The following LRRTM4 variants were observed in gnomAD, a reference collection of about 807,000 sequenced individuals.
LRRTM4 encodes the protein leucine-rich repeat transmembrane neuronal protein 4.
A neutral mutation model predicts 47.6 loss-of-function variants in LRRTM4; 25 were observed. That is an observed-to-expected ratio of 0.53 (90% CI 0.38 to 0.73). The LOEUF is 0.73. Among genes scored for constraint, LRRTM4 ranks in the 30% least tolerant of loss-of-function variants. The pLI, the probability that LRRTM4 is intolerant of heterozygous loss-of-function variation, is 0.00. For synonymous variants in LRRTM4, 311 were observed against 269.5 expected, an observed-to-expected ratio of 1.15 and a Z score of -1.51; for missense variants, 638 against 713.4, an observed-to-expected ratio of 0.89 and a Z score of 1.20.
intron 3 of LRRTM4, among the ~76,000 whole-genome samples, chr2:77,430,235 T>A (rs931442915): frequency 6.6e-6 from 1 of 152,336 alleles, no homozygotes; most frequent in South Asian, 2.1e-4. Flanking sequence ...TATACATACT[T>A]TAAAACATCA....
intron 3 of LRRTM4, among the ~76,000 whole-genome samples, chr2:77,246,798 G>C (rs1272682398): frequency 3.3e-5 from 5 of 151,786 alleles, no homozygotes; most frequent in Admixed American, 6.6e-5. Context: ...ATGCATATAT[G>C]CCTATATACA....
rs372414706 is a variant in LRRTM4 at position 77,180,338 on chromosome 2, T to A, written c.1551+337980A>T. Among the ~76,000 whole-genome samples, 59 of 152,256 alleles carry A rather than the reference T, an allele frequency of 3.9e-4. No individual in the cohort carries two copies. In the South Asian group the frequency reaches 0.012, roughly 31 times the overall value. ...AAATCTTATGACATCCCTGCTGGTC[T>A]GTCTAATATTTCTCTCTCCCCAGCC... On this transcript the variant is annotated intron_variant, in intron 3 of 3. Transcript: ENST00000409884.
At chr2:77,058,481 T>C (rs533398959) in intron 3 of LRRTM4, among the ~76,000 whole-genome samples, 2 of 150,564 alleles carry the variant, frequency 1.3e-5, no homozygotes, top group African/African-American at 4.9e-5. Flanking sequence ...AGCCTCTTTT[T>C]CTTTTTTTCA....
intron 3 of LRRTM4, among the ~76,000 whole-genome samples, chr2:77,319,527 G>T (rs2104221461): frequency 6.6e-6 from 1 of 152,290 alleles, no homozygotes; most frequent in African/African-American, 2.4e-5. Flanking sequence ...GGAGCCTAGG[G>T]GAGTAAGTGG....
chr2:77,211,108 T>C (rs1012346584), intron 3 of LRRTM4, among the ~76,000 whole-genome samples: 2 of 148,856 alleles, frequency 1.3e-5, no homozygotes, highest in African/African-American at 2.5e-5. Context: ...GGGAAATAGA[T>C]AGAGAAGTGT....
At chr2:77,247,740 C>A (rs887508451) in intron 3 of LRRTM4, among the ~76,000 whole-genome samples, 25 of 151,872 alleles carry the variant, frequency 1.6e-4, no homozygotes, top group African/African-American at 6.0e-4. Flanking sequence ...TCCAATAATA[C>A]GTGCCTAGGA....
At chr2:76,836,159 T>TAA (rs11361011) in intron 3 of LRRTM4, among the ~76,000 whole-genome samples, 4 of 146,116 alleles carry the variant, frequency 2.7e-5, no homozygotes, top group African/African-American at 1.0e-4. Flanking sequence ...TAGTATGCGG[T>TAA]AAAAAAAAAA....
In LRRTM4 at chr2:77,515,747, G is replaced by A. The variant is rs1679182583; in HGVS notation, c.1551+2571C>T. 2.0e-5 allele frequency among the ~76,000 whole-genome samples: 3 copies of A among 151,694 alleles called. No individual in the cohort carries two copies. The South Asian group carries it at 6.2e-4, about 31-fold the overall frequency. On this transcript the variant is annotated intron_variant, in intron 3 of 3. Coordinates refer to ENST00000409884, the MANE Select transcript of LRRTM4 (RefSeq NM_001134745.3). ...CTATTCCAAAAACATTGTAAAGTTG[G>A]GCAAATCGCTGCCCTCTCTTGGCTC... is the stretch of plus-strand genomic sequence containing the variant.
chr2:76,808,013 C>G (rs1670603364), intron 3 of LRRTM4, among the ~76,000 whole-genome samples: 1 of 116,566 alleles, frequency 8.6e-6, no homozygotes, highest in Non-Finnish European at 1.7e-5. Context: ...TTTCTCTCTC[C>G]TTCCTTCCTT....
chr2:77,196,545 A>T (rs1403131332), intron 3 of LRRTM4, among the ~76,000 whole-genome samples: 1 of 152,150 alleles, frequency 6.6e-6, no homozygotes, highest in Non-Finnish European at 1.5e-5. Flanking sequence ...GGAGTTCAAG[A>T]TCCTCCTGGC....
intron 3 of LRRTM4, among the ~76,000 whole-genome samples, chr2:76,896,476 A>T (rs766361246): frequency 3.7e-4 from 57 of 152,162 alleles, no homozygotes; most frequent in Admixed American, 9.2e-4. Context: ...AAAATCATCA[A>T]GCTTAAACAA....
At chr2:77,085,176 T>C (rs1246795059) in intron 3 of LRRTM4, among the ~76,000 whole-genome samples, 1 of 152,062 alleles carries the variant, frequency 6.6e-6, no homozygotes, top group Non-Finnish European at 1.5e-5. Flanking sequence ...TATTTTAGGC[T>C]ACTATTGGTC....
At chr2:76,769,510 AG>A (rs1230581867) in intron 3 of LRRTM4, among the ~76,000 whole-genome samples, 2 of 151,384 alleles carry the variant, frequency 1.3e-5, no homozygotes, top group Non-Finnish European at 2.9e-5. Flanking sequence ...TCTAAATAAA[AG>A]CTCACTTGCA....
At chr2:76,941,840 G>A (rs1452987660) in intron 3 of LRRTM4, among the ~76,000 whole-genome samples, 2 of 152,166 alleles carry the variant, frequency 1.3e-5, no homozygotes, top group African/African-American at 4.8e-5. Flanking sequence ...TAATGGGACT[G>A]CTGGGTCAAA....
intron 3 of LRRTM4, among the ~76,000 whole-genome samples, chr2:76,994,159 T>C (rs189920498): frequency 4.4e-4 from 67 of 151,896 alleles, no homozygotes; most frequent in Middle Eastern, 3.4e-3. Flanking sequence ...ACCTATTGAG[T>C]ACTATGTTCA....
chr2:77,221,858 A>G (rs1674645228), intron 3 of LRRTM4, among the ~76,000 whole-genome samples: 1 of 152,156 alleles, frequency 6.6e-6, no homozygotes, highest in South Asian at 2.1e-4. Flanking sequence ...AAGCAGACCT[A>G]ATAGACATCT....
intron 3 of LRRTM4, among the ~76,000 whole-genome samples, chr2:77,249,523 A>G (rs1573141162): frequency 8.6e-6 from 1 of 115,856 alleles, no homozygotes; most frequent in Non-Finnish European, 1.7e-5. Context: ...ACAATAAAAA[A>G]CAGAACATAG....
chr2:77,389,796 C>A (rs1462140876), intron 3 of LRRTM4, among the ~76,000 whole-genome samples: 1 of 152,020 alleles, frequency 6.6e-6, no homozygotes, highest in Non-Finnish European at 1.5e-5. Flanking sequence ...CCTTCGTCCT[C>A]TTTTTTCCTC....
At chr2:77,362,169 GAA>G (rs1246799191) in intron 3 of LRRTM4, among the ~76,000 whole-genome samples, 3 of 151,646 alleles carry the variant, frequency 2.0e-5, no homozygotes, top group African/African-American at 7.3e-5. Flanking sequence ...AAGAAAGAAA[GAA>G]AGGAAGGAAG....
Sources: gnomAD v4.1 joint callset for allele counts (sites outside exome capture counted in the v4.1 genomes callset) on GRCh38, gnomAD v4.1.1 for gene constraint, MANE v1.5 for transcripts, NCBI Gene and HGNC (gene_info 2026-07-23, HGNC 2026-07-21) for gene names.